SYTL2: variants seen among roughly 807,000 people sequenced by gnomAD.
SYTL2 encodes synaptotagmin-like protein 2.
SYTL2 carries 165 observed loss-of-function variants against 198.7 expected under a neutral mutation model. The observed-to-expected ratio is 0.83, with a 90% CI of 0.73 to 0.94. The LOEUF is 0.94. SYTL2 is among the 40% of genes least tolerant of loss of function. SYTL2 has a pLI of 0.00. For missense variants in SYTL2, 2,835 were observed against 2,582.8 expected (o/e 1.10, Z -2.12); for synonymous variants, 966 against 917.7 (o/e 1.05, Z -0.95).
intron 1 of SYTL2, among the ~76,000 whole-genome samples, chr11:85,759,921 T>C (rs1475546683): frequency 1.3e-5 from 2 of 152,180 alleles, no homozygotes; most frequent in Non-Finnish European, 2.9e-5. Context: ...GCAGATTCAA[T>C]GATTATTCCT....
chr11:85,718,959 G>A (rs2087822078), intron 9 of SYTL2, 116 bp from the exon 10 acceptor site: 1 of 1,543,580 alleles, frequency 6.5e-7, no homozygotes, highest in African/African-American at 1.4e-5. Context: ...ATGCAATGAG[G>A]GGTGCAACCA....
At position 85,748,252 on chromosome 11, in the gene SYTL2, C is replaced by T. The variant is rs545257867; in HGVS notation, c.253+20G>A. 1 of 1,606,520 alleles carries T rather than the reference C, an allele frequency of 6.2e-7. No individual in the cohort carries two copies. Among genetic ancestry groups the T allele is most frequent in the African/African-American group, 1.3e-5 (1 of 74,886 alleles). On this transcript the variant is annotated intron_variant, in intron 3 of 19. Transcript: ENST00000359152. ...CCCAAACGAATGCTTGTTGTAAATG[C>T]ACTAGCCAAGTCAACTCACCTGCTA...
chr11:85,789,338 G>A (rs1356951573), intron 1 of SYTL2, among the ~76,000 whole-genome samples: 5 of 27,100 alleles, frequency 1.8e-4, no homozygotes, highest in Non-Finnish European at 2.3e-4. Context: ...GTGTGTGTGT[G>A]TGTATATATA....
chr11:85,737,666 A>C lies in SYTL2; in HGVS notation c.390-10T>G. Reference sequence around the variant, plus strand: ...ATTTACCACACTGGAACTGCAAAAGAAACAATAATTCAGAGAATAAAACCT... The same window carrying C: ...ATTTACCACACTGGAACTGCAAAAGCAACAATAATTCAGAGAATAAAACCT... On this transcript the variant is annotated splice_polypyrimidine_tract_variant and intron_variant, in intron 4 of 19. Transcript: ENST00000359152. The C allele has an allele frequency of 2.5e-6, 4 of 1,609,028 alleles. No individual in the cohort carries two copies. Among genetic ancestry groups the C allele is most frequent in the East Asian group, 2.2e-5 (1 of 44,870 alleles).
chr11:85,750,705 C>G (rs1487099983), intron 2 of SYTL2, among the ~76,000 whole-genome samples: 1 of 152,130 alleles, frequency 6.6e-6, no homozygotes, highest in Non-Finnish European at 1.5e-5. Context: ...AATAAACGCT[C>G]AGCAGCCATC....
At chr11:85,851,273 G>C in the SYTL2 span, among the ~76,000 whole-genome samples, 1 of 152,220 alleles carries the variant, frequency 6.6e-6, no homozygotes, top group Non-Finnish European at 1.5e-5. Context: ...TATTGGACAG[G>C]AAGTTGTAGC....
At chr11:85,834,773 CTTTTT>C in the SYTL2 span, among the ~76,000 whole-genome samples, 4 of 131,006 alleles carry the variant, frequency 3.1e-5, no homozygotes, top group Non-Finnish European at 6.6e-5. Context: ...TTTTTTTTTT[CTTTTT>C]TGAGACAGGG....
chr11:85,784,080 G>A (rs1453837556), intron 1 of SYTL2, among the ~76,000 whole-genome samples: 1 of 152,156 alleles, frequency 6.6e-6, no homozygotes, highest in Non-Finnish European at 1.5e-5. Flanking sequence ...TTCCTAGTAT[G>A]ACCCAGAACA....
intron 2 of SYTL2, among the ~76,000 whole-genome samples, chr11:85,750,690 G>A (rs2091458172): frequency 6.6e-6 from 1 of 152,146 alleles, no homozygotes; most frequent in African/African-American, 2.4e-5. Flanking sequence ...ATAAATCAAA[G>A]AACAAATAAA....
intron 1 of SYTL2, among the ~76,000 whole-genome samples, chr11:85,769,464 G>C (rs1288342342): frequency 6.6e-6 from 1 of 152,216 alleles, no homozygotes; most frequent in Non-Finnish European, 1.5e-5. Flanking sequence ...TTCTCCCCTA[G>C]AGCCTCCTGA....
chr11:85,819,552 G>A, the SYTL2 span, among the ~76,000 whole-genome samples: 1 of 152,190 alleles, frequency 6.6e-6, no homozygotes, highest in Non-Finnish European at 1.5e-5. Flanking sequence ...ATGGCTGCTG[G>A]ATCCCAAGCA....
At chr11:85,799,313 C>T (rs551966303) in intron 1 of SYTL2, among the ~76,000 whole-genome samples, 44 of 152,164 alleles carry the variant, frequency 2.9e-4, no homozygotes, top group Middle Eastern at 3.2e-3. Context: ...AGAATGATAA[C>T]ACACAGTGGT....
the SYTL2 span, among the ~76,000 whole-genome samples, chr11:85,843,217 C>T: frequency 0.16 from 23,680 of 151,862 alleles, 2,028 homozygotes; most frequent in Middle Eastern, 0.2. Context: ...GTAATAAAAA[C>T]ACAAATTGGG....
chr11:85,706,691 G>A (rs1245293861), intron 15 of SYTL2, among the ~76,000 whole-genome samples: 1 of 152,136 alleles, frequency 6.6e-6, no homozygotes, highest in Non-Finnish European at 1.5e-5. Context: ...GGTTGTGAAG[G>A]GACTGGTGTG....
At position 85,725,043 on chromosome 11, in the gene SYTL2, C is replaced by T; in HGVS notation, c.4315G>A (p.Val1439Ile). 6.2e-7 allele frequency: 1 copy of T among 1,614,182 alleles called. No individual in the cohort carries two copies. The highest frequency in any genetic ancestry group is 8.5e-7 in the Non-Finnish European group (1 of 1,180,022). Residue 1439 changes from valine (V) to isoleucine (I), a missense_variant, in exon 8 of 20, where the codon GTT (valine) becomes ATT (isoleucine). Val to Ile is a conservative substitution (Grantham distance 29, BLOSUM62 3). Around this residue, in one of 3 missense-constraint regions of SYTL2, gnomAD observed 2,645 missense variants for 2,381.7 expected, o/e 1.11. Transcript: ENST00000359152. The part of the protein sequence containing the change: ...DRKDFYSSNV[V>I]PDKTHEVGSY... The stretch of plus-strand genomic sequence containing the variant: ...CCAACTTCATGAGTTTTATCAGGAA[C>T]TACATTGGAGGAATAAAAATCCTTC...
intron 1 of SYTL2, among the ~76,000 whole-genome samples, chr11:85,783,419 A>G (rs2092592727): frequency 6.6e-6 from 1 of 152,172 alleles, no homozygotes; most frequent in African/African-American, 2.4e-5. Context: ...ATTCAAGATG[A>G]TATTTCGGTG....
chr11:85,708,837 A>ATTTTTTTTTT (rs72460497), intron 14 of SYTL2, among the ~76,000 whole-genome samples: 1 of 71,596 alleles, frequency 1.4e-5, no homozygotes, highest in African/African-American at 5.9e-5. Context: ...CTTCTCTGTG[A>ATTTTTTTTTT]TTTTTTTTTT....
At chr11:85,772,814 G>A (rs774129301) in intron 1 of SYTL2, among the ~76,000 whole-genome samples, 3 of 152,184 alleles carry the variant, frequency 2.0e-5, no homozygotes, top group Non-Finnish European at 2.9e-5. Flanking sequence ...AAAAACAGCT[G>A]GAGCTAACCT....
rs778860656 is a variant in SYTL2 at position 85,727,881 on chromosome 11, G to A, written c.1477C>T (p.Leu493Phe). 5.4e-5 allele frequency: 87 copies of A among 1,613,556 alleles called. 2 individuals are homozygous for A. In the South Asian group the frequency reaches 9.3e-4, roughly 17 times the overall value. The change falls in exon 8 of 20, where the codon CTC becomes TTC. Residue 493 changes from leucine to phenylalanine, a missense_variant. Physicochemically the swap from Leu to Phe is conservative, Grantham distance 22. Coordinates refer to ENST00000359152, the MANE Select transcript of SYTL2 (RefSeq NM_206927.4). ...GATGTCTTAGCTTTTAGAGCCGGGAGAGGAGGGGGCTTACCTTGCTGACGG... is the reference window on the plus strand; with the variant it reads ...GATGTCTTAGCTTTTAGAGCCGGGAAAGGAGGGGGCTTACCTTGCTGACGG... ...RDRQQGKPPP[L>F]PALKAKTSSR...
Sources: gnomAD v4.1 joint callset for allele counts (sites outside exome capture counted in the v4.1 genomes callset) on GRCh38, gnomAD v4.1.1 for gene constraint, gnomAD v4.1.1 regional missense constraint, MANE v1.5 for transcripts, NCBI Gene and HGNC (gene_info 2026-07-23, HGNC 2026-07-21) for gene names.